ADARB2: variants seen among roughly 807,000 people sequenced by gnomAD.
The protein encoded by ADARB2 is inactive double-stranded RNA-specific editase B2.
A neutral mutation model predicts 62.2 loss-of-function variants in ADARB2; 25 were observed. The ratio of observed to expected loss-of-function variants is 0.40; its 90% CI spans 0.29 to 0.56. The LOEUF (loss-of-function observed/expected upper bound fraction) is 0.56. ADARB2 is among the 20% of genes least tolerant of loss of function. ADARB2 has a pLI of 0.43. For synonymous variants in ADARB2, 572 were observed against 500.8 expected (o/e 1.14, Z -1.90); for missense variants, 1,071 against 1,077.4 (o/e 0.99, Z 0.08).
intron 1 of ADARB2, among the ~76,000 whole-genome samples, chr10:1,629,901 C>A (rs74108970): frequency 1.3e-5 from 2 of 151,106 alleles, no homozygotes; most frequent in African/African-American, 2.5e-5. Flanking sequence ...ACAGAGAATG[C>A]GGGGGAAGGG....
At chr10:1,566,358 C>G (rs964451745) in intron 1 of ADARB2, among the ~76,000 whole-genome samples, 1 of 152,184 alleles carries the variant, frequency 6.6e-6, no homozygotes, top group African/African-American at 2.4e-5. Flanking sequence ...CATGTGTCTC[C>G]TTTAAAGAAC....
intron 5 of ADARB2, among the ~76,000 whole-genome samples, chr10:1,240,909 C>T (rs1006019304): frequency 2.0e-5 from 3 of 152,238 alleles, no homozygotes; most frequent in Non-Finnish European, 2.9e-5. Flanking sequence ...TGCTGCACCC[C>T]GCAGGCCTCA....
At position 1,319,853 on chromosome 10, in the gene ADARB2, C is replaced by T. The variant is rs532202535; in HGVS notation, c.1077+43175G>A. ...TAGAGAGTCGCCATGTTGTCTTTTC[C>T]TTATGAATATAAATATTTCCTTTGT... On this transcript the variant is annotated intron_variant, in intron 3 of 9. Coordinates refer to ENST00000381312, the MANE Select transcript of ADARB2 (RefSeq NM_018702.4). Among the ~76,000 whole-genome samples, 76 of 152,312 alleles carry T rather than the reference C, an allele frequency of 5.0e-4. 1 individual carries two copies. The highest frequency in any genetic ancestry group is 1.7e-3 in the African/African-American group (69 of 41,566).
At chr10:1,714,440 G>C (rs527563531) in intron 1 of ADARB2, among the ~76,000 whole-genome samples, 1 of 152,224 alleles carries the variant, frequency 6.6e-6, no homozygotes, top group Non-Finnish European at 1.5e-5. Flanking sequence ...TTACTTCATT[G>C]GTCAAAGCTG....
chr10:1,735,795 C>A (rs900599410), intron 1 of ADARB2, among the ~76,000 whole-genome samples: 8 of 152,210 alleles, frequency 5.3e-5, no homozygotes, highest in African/African-American at 1.9e-4. Context: ...CCCAGTGGTC[C>A]TGACGTTCGG....
intron 1 of ADARB2, among the ~76,000 whole-genome samples, chr10:1,532,979 G>A (rs1333719313): frequency 2.6e-5 from 4 of 152,162 alleles, no homozygotes; most frequent in South Asian, 2.1e-4. Flanking sequence ...GGGAGGAACC[G>A]CATCCTGTGT....
chr10:1,510,639 G>A (rs1831924908), intron 1 of ADARB2, among the ~76,000 whole-genome samples: 1 of 152,134 alleles, frequency 6.6e-6, no homozygotes, highest in Admixed American at 6.5e-5. Context: ...TGGAGACCTT[G>A]GAGATGAAGG....
Position 1,578,166 on chromosome 10 carries a change from C to T in ADARB2, c.100+158885G>A, listed in dbSNP as rs554470372. On this transcript the variant is annotated intron_variant, in intron 1 of 9. Coordinates refer to ENST00000381312, the MANE Select transcript of ADARB2 (RefSeq NM_018702.4). The stretch of plus-strand genomic sequence containing the variant: ...CCACCCCATAGGATGGAAATTTGAA[C>T]GAGGTGAACTTAAGGGGTTCCCAGC... Among the ~76,000 whole-genome samples the T allele has an allele frequency of 1.0e-3, 157 of 152,252 alleles. 1 individual carries two copies. Among genetic ancestry groups the T allele is most frequent in the African/African-American group, 3.4e-3 (140 of 41,548 alleles).
chr10:1,322,852 G>A (rs373728865), intron 3 of ADARB2, among the ~76,000 whole-genome samples: 94 of 152,274 alleles, frequency 6.2e-4, no homozygotes, highest in African/African-American at 2.0e-3. Context: ...CAAAATTCAA[G>A]TTAATGTAAT....
At chr10:1,401,078 C>T (rs1832657693) in intron 1 of ADARB2, among the ~76,000 whole-genome samples, 1 of 152,220 alleles carries the variant, frequency 6.6e-6, no homozygotes, top group Middle Eastern at 3.4e-3. Context: ...CTCGCCAGGG[C>T]CCCAGCCTGG....
At chr10:1,553,113 G>GCAC (rs989453879) in intron 1 of ADARB2, among the ~76,000 whole-genome samples, 3 of 138,788 alleles carry the variant, frequency 2.2e-5, no homozygotes, top group African/African-American at 5.4e-5. Flanking sequence ...GCCCAGGCCA[G>GCAC]CACCATCTCT....
At chr10:1,399,854 T>TA (rs2131871203) in intron 1 of ADARB2, among the ~76,000 whole-genome samples, 1 of 152,262 alleles carries the variant, frequency 6.6e-6, no homozygotes, top group South Asian at 2.1e-4. Flanking sequence ...GGGGCTGCCC[T>TA]TGAGAGTGCC....
chr10:1,266,691 C>G (rs986318057), intron 4 of ADARB2, among the ~76,000 whole-genome samples: 2 of 152,080 alleles, frequency 1.3e-5, no homozygotes. Context: ...TGTGTGTATT[C>G]AGACGAGAGC....
intron 1 of ADARB2, among the ~76,000 whole-genome samples, chr10:1,670,768 C>G (rs779388955): frequency 6.6e-6 from 1 of 152,224 alleles, no homozygotes; most frequent in Non-Finnish European, 1.5e-5. Flanking sequence ...GCTTCCTGAG[C>G]TGTCCAGCAG....
At chr10:1,368,909 A>C (rs1832339215) in intron 2 of ADARB2, among the ~76,000 whole-genome samples, 1 of 145,794 alleles carries the variant, frequency 6.9e-6, no homozygotes, top group African/African-American at 2.7e-5. Flanking sequence ...GTGGGGGCCG[A>C]GCTTGCCCTG....
intron 1 of ADARB2, among the ~76,000 whole-genome samples, chr10:1,392,234 G>A (rs1308524739): frequency 6.6e-6 from 1 of 152,106 alleles, no homozygotes; most frequent in Non-Finnish European, 1.5e-5. Flanking sequence ...TCCACATCTT[G>A]CAAAGCTCTG....
intron 6 of ADARB2, among the ~76,000 whole-genome samples, chr10:1,222,596 A>G (rs11250342): frequency 0.63 from 91,448 of 146,110 alleles, 29,728 homozygotes; most frequent in African/African-American, 0.69. Flanking sequence ...TTTTGTATAA[A>G]GTGTAAGGAA....
At chr10:1,479,116 C>G (rs747690684) in intron 1 of ADARB2, among the ~76,000 whole-genome samples, 8 of 152,208 alleles carry the variant, frequency 5.3e-5, no homozygotes, top group Non-Finnish European at 1.2e-4. Context: ...AGCCTCTCAG[C>G]TACAGGGTGA....
At position 1,496,945 on chromosome 10, in the gene ADARB2, G is replaced by A. The variant is rs117764094; in HGVS notation, c.101-117785C>T. On this transcript the variant is annotated intron_variant, in intron 1 of 9. Transcript: ENST00000381312. ...AGTAGAAACAACCACATATTAAGAG[G>A]TCTTAGATACATATTTATAGCACCA... Among the ~76,000 whole-genome samples, 432 of 152,228 alleles carry A rather than the reference G, an allele frequency of 2.8e-3. 4 individuals are homozygous for A. Among genetic ancestry groups the A allele is most frequent in the Non-Finnish European group, 1.6e-3 (110 of 68,024 alleles).
Sources: allele counts gnomAD v4.1 joint callset (sites outside exome capture counted in the v4.1 genomes callset), GRCh38; gene constraint gnomAD v4.1.1; transcripts MANE v1.5; gene names NCBI Gene and HGNC (gene_info 2026-07-23, HGNC 2026-07-21).